The following PCSK2 variants were observed in gnomAD, a reference collection of about 807,000 sequenced individuals.
PCSK2 encodes the protein proprotein convertase subtilisin/kexin type 2.
Under a neutral mutation model 69.7 loss-of-function variants are expected in PCSK2, and 14 were observed. The ratio of observed to expected loss-of-function variants is 0.20; its 90% CI spans 0.13 to 0.31. The LOEUF (loss-of-function observed/expected upper bound fraction) is 0.31, where lower values mean the gene tolerates loss of function less well. PCSK2 is among the 10% of genes least tolerant of loss of function. The pLI, the probability that PCSK2 is intolerant of heterozygous loss-of-function variation, is 1.00. For missense variants in PCSK2, 544 were observed against 842.5 expected (o/e 0.65, Z 4.39); for synonymous variants, 307 against 320.7 (o/e 0.96, Z 0.46).
chr20:17,422,087 A>T (rs767867626), intron 6 of PCSK2, among the ~76,000 whole-genome samples: 2 of 152,170 alleles, frequency 1.3e-5, no homozygotes, highest in Non-Finnish European at 2.9e-5. Flanking sequence ...AAACAAAAGC[A>T]TGGACATGAA....
intron 1 of PCSK2, among the ~76,000 whole-genome samples, chr20:17,233,871 A>T (rs897109016): frequency 6.6e-6 from 1 of 152,188 alleles, no homozygotes; most frequent in African/African-American, 2.4e-5. Context: ...TACTTCTTCC[A>T]TGCCTGATGC....
intron 3 of PCSK2, 131 bp downstream of exon 3, chr20:17,358,571 A>G (rs2030286706): frequency 1.7e-6 from 1 of 593,012 alleles, no homozygotes; most frequent in Non-Finnish European, 3.0e-6. Context: ...GTCCCCTTAC[A>G]TATGTATTGA....
chr20:17,251,957 G>A (rs1175878747), intron 1 of PCSK2, among the ~76,000 whole-genome samples: 5 of 152,210 alleles, frequency 3.3e-5, no homozygotes, highest in Non-Finnish European at 7.3e-5. Context: ...GTCAGGCAAA[G>A]CACTACACAT....
intron 2 of PCSK2, among the ~76,000 whole-genome samples, chr20:17,278,223 T>C (rs1370600101): frequency 1.3e-5 from 2 of 152,208 alleles, no homozygotes; most frequent in Non-Finnish European, 2.9e-5. Context: ...TTACTGGGTA[T>C]ATAACCAAAG....
chr20:17,244,372 CAA>C (rs1986695265), intron 1 of PCSK2, among the ~76,000 whole-genome samples: 1 of 152,206 alleles, frequency 6.6e-6, no homozygotes, highest in South Asian at 2.1e-4. Context: ...TTGTCACCAA[CAA>C]TGGGTTTCTG....
intron 2 of PCSK2, among the ~76,000 whole-genome samples, chr20:17,262,336 T>G (rs1201206414): frequency 6.6e-6 from 1 of 152,084 alleles, no homozygotes; most frequent in African/African-American, 2.4e-5. Context: ...GCAGAAAAAC[T>G]AAAGAAGACC....
intron 1 of PCSK2, among the ~76,000 whole-genome samples, chr20:17,253,516 C>T (rs992842425): frequency 3.3e-5 from 5 of 152,100 alleles, no homozygotes; most frequent in African/African-American, 7.2e-5. Flanking sequence ...AAGGTTCTTC[C>T]GTGTTTTTAC....
intron 1 of PCSK2, among the ~76,000 whole-genome samples, chr20:17,236,339 G>T (rs1033326383): frequency 1.3e-5 from 2 of 152,006 alleles, no homozygotes; most frequent in African/African-American, 4.8e-5. Context: ...AAATTATTGT[G>T]TCTCATATTT....
intron 1 of PCSK2, among the ~76,000 whole-genome samples, chr20:17,245,743 G>GA (rs1986747637): frequency 6.6e-6 from 1 of 151,984 alleles, no homozygotes; most frequent in Non-Finnish European, 1.5e-5. Flanking sequence ...GTGCTTAGCA[G>GA]AGTCCTAGAC....
intron 5 of PCSK2, among the ~76,000 whole-genome samples, chr20:17,406,557 G>C (rs910033730): frequency 6.6e-6 from 1 of 152,116 alleles, no homozygotes; most frequent in Non-Finnish European, 1.5e-5. Context: ...AGGGTTCTCT[G>C]CTGTAAGCTC....
chr20:17,479,033 ATACAC>A, intron 11 of PCSK2: 1 of 1,011,796 alleles, frequency 9.9e-7, no homozygotes, highest in South Asian at 1.3e-5. Context: ...TTTTGAAAGG[ATACAC>A]TGACAAATTC....
intron 11 of PCSK2, among the ~76,000 whole-genome samples, chr20:17,476,752 G>C (rs1458035792): frequency 1.3e-5 from 2 of 152,248 alleles, no homozygotes; most frequent in African/African-American, 4.8e-5. Flanking sequence ...TGCTGGGCTA[G>C]AGCCCAATCT....
chr20:17,387,615 A>T (rs1295057697), intron 5 of PCSK2, among the ~76,000 whole-genome samples: 1 of 152,166 alleles, frequency 6.6e-6, no homozygotes, highest in East Asian at 1.9e-4. Flanking sequence ...ACCAAAATGG[A>T]AGCTACAATA....
Position 17,482,233 on chromosome 20 carries a change from G to A in PCSK2, c.*163G>A, listed in dbSNP as rs566492670. On this transcript the variant is annotated 3_prime_UTR_variant, in exon 12 of 12. Coordinates refer to ENST00000262545, the MANE Select transcript of PCSK2 (RefSeq NM_002594.5). ...GTCAATGATTATTTTCATTACAATGGAAACAATCTTTTTTACTCTATGCCC... is the reference window on the plus strand; with the variant it reads ...GTCAATGATTATTTTCATTACAATGAAAACAATCTTTTTTACTCTATGCCC... 19 of 608,664 alleles carry A rather than the reference G, an allele frequency of 3.1e-5. No homozygotes were observed. Among genetic ancestry groups the A allele is most frequent in the African/African-American group, 1.5e-4 (8 of 53,876 alleles). 37.7% of individuals were successfully genotyped at this position (608,664 alleles called of 1,614,324 possible).
intron 5 of PCSK2, among the ~76,000 whole-genome samples, chr20:17,383,421 C>G (rs1253062323): frequency 6.6e-6 from 1 of 152,132 alleles, no homozygotes; most frequent in Non-Finnish European, 1.5e-5. Context: ...ATAGCTACAA[C>G]CAAAAAACAG....
chr20:17,360,659 G>T lies in PCSK2; in HGVS notation c.505+19G>T. On this transcript the variant is annotated intron_variant, in intron 4 of 11. Coordinates refer to ENST00000262545, the MANE Select transcript of PCSK2 (RefSeq NM_002594.5). The stretch of plus-strand genomic sequence containing the variant: ...GATGATGGTGAGTATTTTGAAGCCT[G>T]TGCCTCATTTGGAAATAAGCGTGCC... 1 of 1,439,364 alleles carries T rather than the reference G, an allele frequency of 6.9e-7. No individual in the cohort carries two copies. Among genetic ancestry groups the T allele is most frequent in the South Asian group, 1.2e-5 (1 of 85,708 alleles). The allele number at this position is 1,439,364 out of a possible 1,614,324, so 89.2% of individuals were successfully genotyped here. A position where few individuals can be genotyped will look rare whatever the true frequency, so the allele number is the denominator to read the frequency against.
At chr20:17,278,687 C>T (rs1161311417) in intron 2 of PCSK2, among the ~76,000 whole-genome samples, 2 of 151,680 alleles carry the variant, frequency 1.3e-5, no homozygotes, top group Admixed American at 1.3e-4. Flanking sequence ...AAGCTGCACG[C>T]TATGCACATG....
intron 4 of PCSK2, among the ~76,000 whole-genome samples, chr20:17,361,969 A>C (rs1472522629): frequency 2.0e-5 from 3 of 152,202 alleles, no homozygotes; most frequent in Non-Finnish European, 4.4e-5. Flanking sequence ...AAACCTACCT[A>C]GGAGATATTG....
intron 5 of PCSK2, among the ~76,000 whole-genome samples, chr20:17,385,990 G>C (rs568041582): frequency 6.6e-6 from 1 of 152,204 alleles, no homozygotes; most frequent in Non-Finnish European, 1.5e-5. Context: ...GAGATAAAGA[G>C]ATAAAATGCT....
Sources: allele counts gnomAD v4.1 joint callset (sites outside exome capture counted in the v4.1 genomes callset), GRCh38; gene constraint gnomAD v4.1.1; transcripts MANE v1.5; gene names NCBI Gene and HGNC (gene_info 2026-07-23, HGNC 2026-07-21).